The following IRAK1BP1 variants were observed in gnomAD, a reference collection of about 807,000 sequenced individuals.
IRAK1BP1 encodes interleukin-1 receptor-associated kinase 1-binding protein 1.
A neutral mutation model predicts 28.0 loss-of-function variants in IRAK1BP1; 24 were observed. The ratio of observed to expected loss-of-function variants is 0.86; its 90% CI spans 0.62 to 1.20. The LOEUF is 1.20. Among genes scored for constraint, IRAK1BP1 ranks in the 50% most tolerant of loss-of-function variants. The probability of loss-of-function intolerance (pLI) is 0.00; values close to 1 mark genes in which losing one functional copy is unlikely to be tolerated. For missense variants in IRAK1BP1, 336 were observed against 316.7 expected (o/e 1.06, Z -0.46); for synonymous variants, 131 against 116.3 (o/e 1.13, Z -0.81).
chr6:78,961,597 T>C, the IRAK1BP1 span: 41 of 1,243,760 alleles, frequency 3.3e-5, no homozygotes, highest in East Asian at 6.6e-4. Flanking sequence ...CATTCCTATA[T>C]ACAAAAAGTT....
intron 4 of IRAK1BP1, among the ~76,000 whole-genome samples, chr6:78,910,979 A>G (rs1201195146): frequency 6.6e-6 from 1 of 152,116 alleles, no homozygotes; most frequent in Non-Finnish European, 1.5e-5. Context: ...GGTCCAACTG[A>G]GCTTTATCTT....
At chr6:78,933,458 TACA>T (rs1403082166) in intron 4 of IRAK1BP1, among the ~76,000 whole-genome samples, 2 of 151,980 alleles carry the variant, frequency 1.3e-5, no homozygotes, top group African/African-American at 4.8e-5. Flanking sequence ...CTTCTTAAAA[TACA>T]ACAATTAGCC....
chr6:78,970,689 T>C, the IRAK1BP1 span: 1 of 773,688 alleles, frequency 1.3e-6, no homozygotes, highest in African/African-American at 1.8e-5. Context: ...TGATGCAGTT[T>C]CTTATTGTGT....
At chr6:78,955,376 G>C in the IRAK1BP1 span, 1 of 899,588 alleles carries the variant, frequency 1.1e-6, no homozygotes, top group Non-Finnish European at 1.8e-6. Context: ...TTACACACTG[G>C]AACACCTGTA....
the IRAK1BP1 span, among the ~76,000 whole-genome samples, chr6:78,971,591 G>A: frequency 1.1e-4 from 16 of 152,150 alleles, no homozygotes; most frequent in Non-Finnish European, 2.1e-4. Context: ...GAAGACGGGT[G>A]ATTTCTGCAT....
At chr6:78,969,014 G>T in the IRAK1BP1 span, among the ~76,000 whole-genome samples, 1 of 152,130 alleles carries the variant, frequency 6.6e-6, no homozygotes, top group South Asian at 2.1e-4. Flanking sequence ...TGTTTCCTGA[G>T]GGGATTCCAT....
intron 4 of IRAK1BP1, among the ~76,000 whole-genome samples, chr6:78,911,834 A>G (rs1772431186): frequency 6.6e-6 from 1 of 152,178 alleles, no homozygotes; most frequent in East Asian, 1.9e-4. Flanking sequence ...AGGCTAAGAG[A>G]GTTTAATCTG....
intron 1 of IRAK1BP1, chr6:78,871,435 CT>C: frequency 5.1e-6 from 5 of 985,506 alleles, no homozygotes; most frequent in Non-Finnish European, 6.0e-6. Flanking sequence ...ACCTTTTCTC[CT>C]TTTTGCTTCA....
intron 4 of IRAK1BP1, among the ~76,000 whole-genome samples, chr6:78,944,168 A>G (rs574849974): frequency 6.6e-6 from 1 of 152,204 alleles, no homozygotes; most frequent in South Asian, 2.1e-4. Context: ...AGGAACTTCT[A>G]AGTGTTTAGG....
chr6:78,885,891 A>T (rs1771415257), intron 2 of IRAK1BP1, among the ~76,000 whole-genome samples: 1 of 152,166 alleles, frequency 6.6e-6, no homozygotes, highest in African/African-American at 2.4e-5. Context: ...AAAGAATAAA[A>T]CTATTTTCAG....
chr6:78,951,922 G>C, the IRAK1BP1 span, among the ~76,000 whole-genome samples: 1 of 152,158 alleles, frequency 6.6e-6, no homozygotes, highest in Admixed American at 6.5e-5. Flanking sequence ...ATAAATCTTA[G>C]AGTGATGAGT....
At chr6:78,909,144 C>T (rs1366747053) in intron 4 of IRAK1BP1, among the ~76,000 whole-genome samples, 1 of 152,196 alleles carries the variant, frequency 6.6e-6, no homozygotes, top group Non-Finnish European at 1.5e-5. Context: ...ATGATCCTAA[C>T]TTACGATAGT....
intron 4 of IRAK1BP1, chr6:78,935,660 T>G (rs1440765294): frequency 1.0e-6 from 1 of 983,916 alleles, no homozygotes; most frequent in African/African-American, 1.7e-5. Flanking sequence ...TAAATTACAT[T>G]TCGGCACCCA....
At chr6:78,970,931 T>C in the IRAK1BP1 span, 2 of 1,312,554 alleles carry the variant, frequency 1.5e-6, no homozygotes, top group South Asian at 2.6e-5. Flanking sequence ...ATGTGTTTCC[T>C]TTAATCCAAT....
the IRAK1BP1 span, chr6:78,955,509 G>C: frequency 1.8e-6 from 1 of 551,948 alleles, no homozygotes; most frequent in Non-Finnish European, 3.2e-6. Flanking sequence ...AACTACACTA[G>C]ACAAAAAATA....
In IRAK1BP1 at chr6:78,946,085, C is replaced by T. The variant is rs138108985; in HGVS notation, c.*745C>T. On this transcript the variant is annotated 3_prime_UTR_variant and NMD_transcript_variant, in exon 5 of 5. Transcript: ENST00000606868. ...GAAGTAGATGGTTGCTCAGTGACAACTGGATCTACAACCACTCGGTTGCTT... is the reference window on the plus strand; with the variant it reads ...GAAGTAGATGGTTGCTCAGTGACAATTGGATCTACAACCACTCGGTTGCTT... 1.2e-6 allele frequency: 2 copies of T among 1,613,510 alleles called. No individual in the cohort carries two copies. The highest frequency in any genetic ancestry group is 8.5e-7 in the Non-Finnish European group (1 of 1,179,436).
chr6:78,905,079 G>A (rs1582031539), downstream of IRAK1BP1, among the ~76,000 whole-genome samples: 1 of 152,090 alleles, frequency 6.6e-6, no homozygotes, highest in East Asian at 1.9e-4. Context: ...GGAATGTTGA[G>A]AATTTACAGT....
At chr6:78,938,438 CATTT>C (rs958069640) in intron 4 of IRAK1BP1, 3 of 151,578 alleles carry the variant, frequency 2.0e-5, no homozygotes, top group South Asian at 2.1e-4. Flanking sequence ...TAAAACTGTA[CATTT>C]TTTTTACAAA....
At chr6:78,889,083 C>T (rs1404231587) in intron 2 of IRAK1BP1, among the ~76,000 whole-genome samples, 3 of 137,656 alleles carry the variant, frequency 2.2e-5, no homozygotes, top group Non-Finnish European at 4.5e-5. Context: ...TGCCACTGCA[C>T]TGCAGCCTGG....
Sources: allele counts gnomAD v4.1 joint callset (sites outside exome capture counted in the v4.1 genomes callset), GRCh38; gene constraint gnomAD v4.1.1; transcripts MANE v1.5; gene names NCBI Gene and HGNC (gene_info 2026-07-23, HGNC 2026-07-21).